ANK2: variants seen among roughly 807,000 people sequenced by gnomAD.
ANK2 encodes the protein ankyrin 2.
ANK2 carries 83 observed loss-of-function variants against 360.5 expected under a neutral mutation model. The ratio of observed to expected loss-of-function variants is 0.23; its 90% CI spans 0.19 to 0.28. The LOEUF is 0.28. Ranked by LOEUF, ANK2 falls within the 10% of genes least tolerant of loss-of-function variation. The pLI, the probability that ANK2 is intolerant of heterozygous loss-of-function variation, is 1.00. For synonymous variants in ANK2, 1,740 were observed against 1,759.5 expected (o/e 0.99, Z 0.28); for missense variants, 4,201 against 4,795.7 (o/e 0.88, Z 3.66).
At chr4:112,757,058 C>T in the ANK2 span, among the ~76,000 whole-genome samples, 1 of 151,598 alleles carries the variant, frequency 6.6e-6, no homozygotes, top group Admixed American at 6.6e-5. Flanking sequence ...TTACATCACC[C>T]TGTAATTCCC....
intron 20 of ANK2, 48 bp from the exon 21 acceptor site, chr4:113,292,368 C>T (rs1001201957): frequency 6.6e-7 from 1 of 1,508,056 alleles, no homozygotes; most frequent in African/African-American, 1.4e-5. Flanking sequence ...TAATTTTCCT[C>T]TCCCTCTGCC....
At chr4:113,117,462 G>T (rs1314539701) in intron 1 of ANK2, 1 of 453,586 alleles carries the variant, frequency 2.2e-6, no homozygotes, top group Non-Finnish European at 4.4e-6. Context: ...GCAGCTCTGT[G>T]TAGCACCATC....
In ANK2 at chr4:113,357,334, A is replaced by G. The variant is rs533349333; in HGVS notation, c.8716A>G (p.Met2906Val). Residue 2906 changes from methionine (M) to valine (V), a missense_variant, in exon 38 of 46, where the codon ATG becomes GTG. Met to Val is a conservative substitution (Grantham distance 21, BLOSUM62 1). Transcript: ENST00000357077. ...SITTQTDRFS[M>V]DVPVSDLAEN... ...TACTACTCAAACAGATAGATTTTCC[A>G]TGGATGTTCCCGTGTCTGACCTAGC... 14 of 1,614,026 alleles carry G rather than the reference A, an allele frequency of 8.7e-6. No individual in the cohort carries two copies. The African/African-American group carries it at 1.3e-4, about 15-fold the overall frequency.
rs1344928730 is a variant in ANK2 at position 113,358,968 on chromosome 4, A to G, written c.10350A>G (p.Thr3450=). Residue 3450 remains threonine, a synonymous_variant, in exon 38 of 46, where the codon ACA becomes ACG. Coordinates refer to ENST00000357077, the MANE Select transcript of ANK2 (RefSeq NM_001148.6). ...SRLPVKSRST[T]SSCRGGTSPT... Reference sequence around the variant, plus strand: ...TGCCAGTTAAGAGCAGAAGCACTACATCTTCCTGCAGGGGGGGCACGAGCC... The same window carrying G: ...TGCCAGTTAAGAGCAGAAGCACTACGTCTTCCTGCAGGGGGGGCACGAGCC... 2.5e-6 allele frequency: 4 copies of G among 1,614,066 alleles called. No individual in the cohort carries two copies. The highest frequency in any genetic ancestry group is 2.2e-5 in the East Asian group (1 of 44,862).
chr4:112,730,636 C>CAAAAAAAAA, the ANK2 span, among the ~76,000 whole-genome samples: 2 of 57,938 alleles, frequency 3.5e-5, no homozygotes, highest in Non-Finnish European at 6.1e-5. Flanking sequence ...GACTCCATCT[C>CAAAAAAAAA]AAAAAAAAAA....
intron 1 of ANK2, among the ~76,000 whole-genome samples, chr4:113,123,608 A>G (rs1470190964): frequency 6.6e-6 from 1 of 152,154 alleles, no homozygotes; most frequent in Non-Finnish European, 1.5e-5. Context: ...TTTTGCTCCA[A>G]AGGTGAGCTG....
intron 2 of ANK2, among the ~76,000 whole-genome samples, chr4:113,036,775 AT>A (rs2061701788): frequency 6.6e-6 from 1 of 151,686 alleles, no homozygotes; most frequent in Admixed American, 6.6e-5. Flanking sequence ...TTTGTTCTAG[AT>A]TATTTTTTTC....
chr4:113,152,748 A>T (rs566469801), intron 1 of ANK2, among the ~76,000 whole-genome samples: 1 of 151,384 alleles, frequency 6.6e-6, no homozygotes, highest in Non-Finnish European at 1.5e-5. Context: ...CTCTATATTA[A>T]TTTTTTTTTA....
chr4:113,115,899 TCTC>T (rs1366045771), intron 1 of ANK2, among the ~76,000 whole-genome samples: 1 of 152,182 alleles, frequency 6.6e-6, no homozygotes, highest in Non-Finnish European at 1.5e-5. Flanking sequence ...TGAAAACCCT[TCTC>T]CTAAAATGCA....
At chr4:112,769,797 G>A in the ANK2 span, among the ~76,000 whole-genome samples, 2 of 152,166 alleles carry the variant, frequency 1.3e-5, no homozygotes, top group African/African-American at 4.8e-5. Flanking sequence ...GAAAAAGGCA[G>A]AGGAAGGAGG....
At position 113,373,332 on chromosome 4, in the gene ANK2, G is replaced by A. The variant is rs1471391110; in HGVS notation, c.11742G>A (p.Glu3914=). 1 of 1,614,192 alleles carries A rather than the reference G, an allele frequency of 6.2e-7. No individual in the cohort carries two copies. The highest frequency in any genetic ancestry group is 1.1e-5 in the South Asian group (1 of 91,080). Residue 3914 remains glutamate (E), a synonymous_variant, in exon 45 of 46, where the codon GAG becomes GAA. Transcript: ENST00000357077. ...IRRYVSSEGT[E]KEEIMVQGMP... is the part of the protein sequence containing the mutation. ...GGTATGTATCCTCTGAAGGCACAGA[G>A]AAAGAAGAGATTATGGTGCAGGGAA...
At chr4:112,914,296 T>A (rs1390437859) in intron 2 of ANK2, among the ~76,000 whole-genome samples, 1 of 152,070 alleles carries the variant, frequency 6.6e-6, no homozygotes, top group East Asian at 1.9e-4. Flanking sequence ...TGGCATAGGG[T>A]AAAATTAGGT....
At position 113,311,257 on chromosome 4, in the gene ANK2, G is replaced by T. The variant is rs561997809; in HGVS notation, c.2551G>T (p.Asp851Tyr). Residue 851 changes from aspartate to tyrosine, a missense_variant and splice_region_variant, in exon 24 of 46, where the codon GAT becomes TAT. By Grantham distance (160) the Asp-to-Tyr change is radical. This residue lies in a region of ANK2 where 1,268 missense variants were observed against 1,650.8 expected (regional missense o/e 0.77). Coordinates refer to ENST00000357077, the MANE Select transcript of ANK2 (RefSeq NM_001148.6). ...CTTCTTCCTCTGATTGTTTCAAGGTGATGACACAATGACTGGTGATGGGGG... is the reference window on the plus strand; with the variant it reads ...CTTCTTCCTCTGATTGTTTCAAGGTTATGACACAATGACTGGTGATGGGGG... ...EVLDVSDEEGDDTMTGDGGEY... is the reference protein window; with the variant it reads ...EVLDVSDEEGYDTMTGDGGEY... 1.2e-6 allele frequency: 2 copies of T among 1,614,116 alleles called. No homozygotes were observed. Among genetic ancestry groups the T allele is most frequent in the Admixed American group, 1.7e-5 (1 of 60,028 alleles).
chr4:112,915,096 GATA>G (rs1350656933), intron 2 of ANK2, among the ~76,000 whole-genome samples: 3 of 152,148 alleles, frequency 2.0e-5, no homozygotes, highest in African/African-American at 7.2e-5. Flanking sequence ...ATTTTCCCCA[GATA>G]ATAAGGCTAT....
chr4:113,246,675 C>A (rs1049637146), intron 9 of ANK2, among the ~76,000 whole-genome samples: 1 of 151,694 alleles, frequency 6.6e-6, no homozygotes. Context: ...GGATGATGAA[C>A]AAAAAACACA....
At chr4:112,876,196 T>C in intron 1 of ANK2, among the ~76,000 whole-genome samples, 1 of 152,176 alleles carries the variant, frequency 6.6e-6, no homozygotes, top group East Asian at 1.9e-4. Flanking sequence ...GTCAAACATA[T>C]ATTCTGAGTA....
chr4:112,974,927 T>C (rs1436185765), intron 2 of ANK2, among the ~76,000 whole-genome samples: 2 of 151,878 alleles, frequency 1.3e-5, no homozygotes, highest in African/African-American at 4.8e-5. Context: ...GGGGAGAAAA[T>C]GACATAGAAA....
chr4:113,132,246 T>A (rs2096088397), intron 1 of ANK2, among the ~76,000 whole-genome samples: 1 of 152,168 alleles, frequency 6.6e-6, no homozygotes, highest in South Asian at 2.1e-4. Context: ...GTGGACATAT[T>A]TATCTGTATT....
Position 113,061,352 on chromosome 4 carries a change from C to A in ANK2, c.84+11540C>A, listed in dbSNP as rs969574336. ...TCACTGACCCTCATCCAGTGGGAGA[C>A]TAAAGCTCCTCCCCTGATTGCTTTT... On this transcript the variant is annotated intron_variant, in intron 1 of 45. Transcript: ENST00000357077. Among the ~76,000 whole-genome samples the A allele has an allele frequency of 5.3e-5, 8 of 152,088 alleles. No homozygotes were observed. In the East Asian group the frequency reaches 1.2e-3, roughly 22 times the overall value.
Sources: allele counts gnomAD v4.1 joint callset (sites outside exome capture counted in the v4.1 genomes callset), GRCh38; gene constraint gnomAD v4.1.1; regional missense constraint gnomAD v4.1.1; transcripts MANE v1.5; gene names NCBI Gene and HGNC (gene_info 2026-07-23, HGNC 2026-07-21).